CPXM2: variants seen among roughly 807,000 people sequenced by gnomAD.
CPXM2 encodes inactive carboxypeptidase-like protein X2.
A neutral mutation model predicts 86.1 loss-of-function variants in CPXM2; 66 were observed. The observed-to-expected ratio is 0.77, with a 90% CI of 0.63 to 0.94. The LOEUF (loss-of-function observed/expected upper bound fraction) is 0.94, where lower values mean the gene tolerates loss of function less well. Ranked by LOEUF, CPXM2 falls within the 40% of genes least tolerant of loss-of-function variation. CPXM2 has a pLI of 0.00. For missense variants in CPXM2, 948 were observed against 1,026.3 expected (o/e 0.92, Z 1.04); for synonymous variants, 388 against 400.2 (o/e 0.97, Z 0.36).
At chr10:123,765,841 T>C (rs1241693325) in intron 10 of CPXM2, among the ~76,000 whole-genome samples, 1 of 152,256 alleles carries the variant, frequency 6.6e-6, no homozygotes, top group African/African-American at 2.4e-5. Flanking sequence ...TGTGCTGTGC[T>C]GGGGGCTGGA....
At chr10:123,912,129 GATCTT>G (rs1945493820) in intron 2 of CPXM2, among the ~76,000 whole-genome samples, 1 of 152,138 alleles carries the variant, frequency 6.6e-6, no homozygotes, top group Non-Finnish European at 1.5e-5. Flanking sequence ...CCACTCCTGA[GATCTT>G]ATTAGGAAGC....
intron 4 of CPXM2, among the ~76,000 whole-genome samples, chr10:123,821,359 A>G (rs1224105251): frequency 6.6e-6 from 1 of 152,232 alleles, no homozygotes; most frequent in Non-Finnish European, 1.5e-5. Context: ...AGCTCCTTCT[A>G]CACAATGTTA....
At chr10:123,872,869 G>A (rs950276373) in intron 2 of CPXM2, among the ~76,000 whole-genome samples, 1 of 151,728 alleles carries the variant, frequency 6.6e-6, no homozygotes, top group African/African-American at 2.4e-5. Context: ...ATTTTACCCA[G>A]ACACTGTTCA....
At chr10:123,912,319 G>C (rs1196430640) in intron 2 of CPXM2, among the ~76,000 whole-genome samples, 3 of 128,078 alleles carry the variant, frequency 2.3e-5, no homozygotes, top group East Asian at 2.8e-4. Context: ...GGGGGGGGGG[G>C]GGCAGGCATT....
Position 123,854,465 on chromosome 10 carries a change from A to C in CPXM2, c.513+8149T>G, listed in dbSNP as rs183964545. ...CTTTTATATATAATATATATAATATATATTTTATATATATTTGTTTTAGAG... is the reference window on the plus strand; with the variant it reads ...CTTTTATATATAATATATATAATATCTATTTTATATATATTTGTTTTAGAG... On this transcript the variant is annotated intron_variant, in intron 3 of 13. Coordinates refer to ENST00000241305, the MANE Select transcript of CPXM2 (RefSeq NM_198148.3). Among the ~76,000 whole-genome samples, 223 of 132,584 alleles carry C rather than the reference A, an allele frequency of 1.7e-3. 1 individual carries two copies. Among genetic ancestry groups the C allele is most frequent in the African/African-American group, 6.2e-3 (212 of 34,086 alleles). The allele number at this position is 132,584 out of a possible 152,430, so 87.0% of individuals were successfully genotyped here. A position where few individuals can be genotyped will look rare whatever the true frequency, so the allele number is the denominator to read the frequency against.
In CPXM2 at chr10:123,746,928, A is replaced by AT; in HGVS notation, c.2106_2107insA (p.Cys703MetfsTer6). The AT allele has an allele frequency of 6.2e-7, 1 of 1,614,002 alleles. No individual in the cohort carries two copies. Among genetic ancestry groups the AT allele is most frequent in the Non-Finnish European group, 8.5e-7 (1 of 1,179,984 alleles). On this transcript the variant is annotated frameshift_variant, in exon 14 of 14. Transcript: ENST00000241305. LOFTEE classifies it high-confidence loss of function. ...GCCCCCATGTCATAGCCAACCATAC[A>AT]GTTCTTGGTGGATGCAGTGAAACCT... is the stretch of plus-strand genomic sequence containing the variant.
chr10:123,943,796 C>T (rs1047557329), upstream of CPXM2, among the ~76,000 whole-genome samples: 6 of 152,148 alleles, frequency 3.9e-5, no homozygotes, highest in East Asian at 1.9e-4. Context: ...AAACACAGTC[C>T]GTCTTGGGCC....
intron 7 of CPXM2, among the ~76,000 whole-genome samples, chr10:123,779,379 AG>A (rs973845657): frequency 2.0e-5 from 3 of 152,232 alleles, no homozygotes; most frequent in African/African-American, 7.2e-5. Flanking sequence ...TGCTGTCAAA[AG>A]CTCAGAACTA....
chr10:123,860,290 G>C (rs1848823267), intron 3 of CPXM2, among the ~76,000 whole-genome samples: 2 of 152,182 alleles, frequency 1.3e-5, no homozygotes. Context: ...CTCTGTGAGT[G>C]ATTAGGACTC....
Position 123,757,260 on chromosome 10 carries a change from C to T in CPXM2, c.1870G>A (p.Glu624Lys), listed in dbSNP as rs145812368. 1.5e-5 allele frequency: 24 copies of T among 1,613,858 alleles called. No homozygotes were observed. Among genetic ancestry groups the T allele is most frequent in the South Asian group, 4.4e-5 (4 of 91,064 alleles). Residue 624 changes from glutamate to lysine, a missense_variant, in exon 12 of 14, where the codon GAG becomes AAG. Transcript: ENST00000241305. ...GATTCCCGGTTATTCTCCCACTCCT[C>T]GGGCAGCTGGCTCTCATGTGGGTAT... is the stretch of plus-strand genomic sequence containing the variant. ...DKYPHESQLPEEWENNRESLI... is the reference protein window; with the variant it reads ...DKYPHESQLPKEWENNRESLI...
intron 2 of CPXM2, among the ~76,000 whole-genome samples, chr10:123,933,392 C>CA (rs955902808): frequency 1.3e-5 from 2 of 151,788 alleles, no homozygotes; most frequent in African/African-American, 4.8e-5. Flanking sequence ...AGAAGAAAAC[C>CA]AAAAAAATGA....
chr10:123,843,158 C>T, intron 3 of CPXM2: 1 of 349,526 alleles, frequency 2.9e-6, no homozygotes, highest in Non-Finnish European at 5.4e-6. Context: ...TGGTATGTTG[C>T]CCAGGCTGGC....
At chr10:123,875,052 C>T (rs547758441) in intron 2 of CPXM2, among the ~76,000 whole-genome samples, 5 of 152,122 alleles carry the variant, frequency 3.3e-5, no homozygotes, top group African/African-American at 1.2e-4. Context: ...ATGTAGTGTT[C>T]AAAAACACAC....
At chr10:123,788,105 T>C (rs981115346) in intron 6 of CPXM2, among the ~76,000 whole-genome samples, 9 of 150,796 alleles carry the variant, frequency 6.0e-5, no homozygotes, top group African/African-American at 1.9e-4. Flanking sequence ...CATGGTGAAA[T>C]CCCGGTCTCT....
At chr10:123,812,165 C>T (rs1401845030) in intron 4 of CPXM2, among the ~76,000 whole-genome samples, 1 of 152,082 alleles carries the variant, frequency 6.6e-6, no homozygotes, top group Non-Finnish European at 1.5e-5. Context: ...ATAATGACAA[C>T]AGCAACAATA....
intron 2 of CPXM2, among the ~76,000 whole-genome samples, chr10:123,920,767 T>A (rs1361720286): frequency 6.6e-6 from 1 of 152,224 alleles, no homozygotes; most frequent in East Asian, 1.9e-4. Flanking sequence ...CCCTCATGAA[T>A]GGATTAATGC....
At position 123,766,874 on chromosome 10, in the gene CPXM2, A is replaced by T. The variant is rs1846488537; in HGVS notation, c.1479+99T>A. On this transcript the variant is annotated intron_variant, in intron 10 of 13. Transcript: ENST00000241305. Reference sequence around the variant, plus strand: ...TGGAGAAAACATGAAAGAAAAAAACAGTTTTGTCTCTTTCTTAAATGTGCT... The same window carrying T: ...TGGAGAAAACATGAAAGAAAAAAACTGTTTTGTCTCTTTCTTAAATGTGCT... The T allele has an allele frequency of 3.1e-6, 3 of 959,676 alleles. No individual in the cohort carries two copies. The South Asian group carries it at 4.7e-5, about 15-fold the overall frequency. The allele number at this position is 959,676 out of a possible 1,614,324, so 59.4% of individuals were successfully genotyped here.
intron 8 of CPXM2, among the ~76,000 whole-genome samples, chr10:123,769,798 T>TA (rs1444119947): frequency 1.3e-5 from 2 of 152,154 alleles, no homozygotes; most frequent in Admixed American, 1.3e-4. Flanking sequence ...CTGTGAGCAA[T>TA]AAAGTTCTGT....
intron 3 of CPXM2, 87 bp from the exon 4 acceptor site, chr10:123,842,575 G>A (rs1848410258): frequency 1.0e-5 from 14 of 1,353,682 alleles, no homozygotes; most frequent in Middle Eastern, 4.0e-4. Context: ...GAGAGGAAGG[G>A]AGGGAGGATA....
Sources: gnomAD v4.1 joint callset for allele counts (sites outside exome capture counted in the v4.1 genomes callset) on GRCh38, gnomAD v4.1.1 for gene constraint, MANE v1.5 for transcripts, NCBI Gene and HGNC (gene_info 2026-07-23, HGNC 2026-07-21) for gene names.